Variants in PMPCA observed in about 807,000 individuals in gnomAD.
PMPCA encodes mitochondrial-processing peptidase subunit alpha.
In PMPCA, 47 loss-of-function variants were observed where a neutral mutation model predicts 59.3. The ratio of observed to expected loss-of-function variants is 0.79; its 90% CI spans 0.63 to 1.01. The LOEUF (loss-of-function observed/expected upper bound fraction) is 1.01, where lower values mean the gene tolerates loss of function less well. Ranked by LOEUF, PMPCA falls within the 50% of genes least tolerant of loss-of-function variation. The pLI is 0.00. For synonymous variants in PMPCA, 338 were observed against 290.3 expected, an observed-to-expected ratio of 1.16 and a Z score of -1.67; for missense variants, 726 against 704.5, an observed-to-expected ratio of 1.03 and a Z score of -0.34.
In PMPCA at chr9:136,412,051, C is replaced by G; in HGVS notation, c.126C>G (p.Ile42Met). Residue 42 changes from isoleucine to methionine, a missense_variant, in exon 2 of 13, where the codon ATC (isoleucine) becomes ATG (methionine). Transcript: ENST00000371717. ...GTAGTGGTGGTGCCTATCCCAACAT[C>G]CCCCTCTCTTCTCCCTTACCTGGAG... is the stretch of plus-strand genomic sequence containing the variant. ...RFSSGGAYPN[I>M]PLSSPLPGVP... is the part of the protein sequence containing the mutation. The G allele has an allele frequency of 6.2e-7, 1 of 1,613,332 alleles. No individual in the cohort carries two copies. The highest frequency in any genetic ancestry group is 8.5e-7 in the Non-Finnish European group (1 of 1,179,300).
At chr9:136,419,445 C>T in intron 11 of PMPCA, 1 of 451,474 alleles carries the variant, frequency 2.2e-6, no homozygotes, top group South Asian at 2.4e-5. Context: ...CGAAACGCTG[C>T]AGGAGTTTTT....
In PMPCA at chr9:136,421,853, AC is replaced by A; in HGVS notation, c.1286del (p.Thr429SerfsTer3). 1 of 1,599,334 alleles carries A rather than the reference AC, an allele frequency of 6.3e-7. No individual in the cohort carries two copies. Among genetic ancestry groups the A allele is most frequent in the Non-Finnish European group, 8.5e-7 (1 of 1,170,228 alleles). ...CCAGGTGGAGCTGGAACGAGCCAAG[AC>A]GCAGCTGACATCAATGCTCATGATG... ...VDTVELERAK[T>X]QLTSMLMMNL... On this transcript the variant is annotated frameshift_variant, in exon 12 of 13. Transcript: ENST00000371717. LOFTEE classifies it high-confidence loss of function.
At chr9:136,415,908 C>T (rs1835259773) in intron 5 of PMPCA, among the ~76,000 whole-genome samples, 2 of 152,250 alleles carry the variant, frequency 1.3e-5, no homozygotes, top group South Asian at 4.1e-4. Flanking sequence ...GCTGGGATTA[C>T]AGGCGTGAGC....
chr9:136,416,575 C>T, intron 6 of PMPCA, 184 bp downstream of exon 6: 1 of 654,580 alleles, frequency 1.5e-6, no homozygotes, highest in Admixed American at 2.1e-5. Context: ...CTCCTGGGCT[C>T]AGCTCAGGTG....
Position 136,417,150 on chromosome 9 carries a change from G to C in PMPCA, c.833G>C (p.Trp278Ser), listed in dbSNP as rs780575938. The change falls in exon 7 of 13, where the codon TGG becomes TCG. Residue 278 changes from tryptophan to serine, a missense_variant. Transcript: ENST00000371717. ...RKYLLGVQPA[W>S]GSAEAVDIDR... ...TACCTCCTGGGGGTCCAGCCGGCCTGGGGGAGCGCAGAGGCCGTGGATATT... is the reference window on the plus strand; with the variant it reads ...TACCTCCTGGGGGTCCAGCCGGCCTCGGGGAGCGCAGAGGCCGTGGATATT... 6 of 1,612,578 alleles carry C rather than the reference G, an allele frequency of 3.7e-6. No individual in the cohort carries two copies. Among genetic ancestry groups the C allele is most frequent in the East Asian group, 2.2e-5 (1 of 44,858 alleles).
In PMPCA at chr9:136,420,919, C is replaced by T. The variant is rs1450117470; in HGVS notation, c.1264-913C>T. The T allele has an allele frequency of 3.3e-5, 5 of 151,818 alleles. No homozygotes were observed. The East Asian group carries it at 9.7e-4, about 29-fold the overall frequency. 9.4% of individuals were successfully genotyped at this position (151,818 alleles called of 1,614,324 possible). A position where few individuals can be genotyped will look rare whatever the true frequency, so the allele number is the denominator to read the frequency against. ...CTGACCTGGGCAACATAGCAAGACC[C>T]TGTGTCTATTTAAGAAAAAAAAAAA... On this transcript the variant is annotated intron_variant, in intron 11 of 12. Coordinates refer to ENST00000371717, the MANE Select transcript of PMPCA (RefSeq NM_015160.3).
rs142338782 is a variant in PMPCA at position 136,418,592 on chromosome 9, T to G, written c.1028T>G (p.Met343Arg). ...DFIPFAVLNM[M>R]MGGGGSFSAG... ...ATCCCCTTTGCAGTGTTGAACATGATGATGGGCGGAGGTGGCTCCTTCTCG... is the reference window on the plus strand; with the variant it reads ...ATCCCCTTTGCAGTGTTGAACATGAGGATGGGCGGAGGTGGCTCCTTCTCG... Residue 343 changes from methionine to arginine, a missense_variant, in exon 9 of 13, where the codon ATG becomes AGG. By Grantham distance (91) the Met-to-Arg change is moderately conservative. Transcript: ENST00000371717. The G allele has an allele frequency of 7.4e-6, 12 of 1,613,724 alleles. No individual in the cohort carries two copies. In the Admixed American group the frequency reaches 1.3e-4, roughly 18 times the overall value.
At chr9:136,419,023 T>C (rs77206127) in intron 10 of PMPCA, 21 bp from the exon 11 acceptor site, 42,704 of 1,612,442 alleles carry the variant, frequency 0.026, 778 homozygotes, top group Middle Eastern at 0.089. Context: ...CACACTGTTA[T>C]CGTCTTGCCC....
intron 11 of PMPCA, chr9:136,419,403 G>C (rs778589440): frequency 5.7e-5 from 30 of 523,602 alleles, no homozygotes; most frequent in Non-Finnish European, 9.4e-5. Context: ...TGAGTCGTGG[G>C]ACTGACCATG....
chr9:136,416,754 G>T, intron 6 of PMPCA, 197 bp from the exon 7 acceptor site: 2 of 595,542 alleles, frequency 3.4e-6, no homozygotes, highest in Non-Finnish European at 5.9e-6. Flanking sequence ...TAGGCTTTTT[G>T]TGAATTTGTA....
chr9:136,422,854 G>A, intron 12 of PMPCA: 1 of 1,329,388 alleles, frequency 7.5e-7, no homozygotes, highest in Non-Finnish European at 9.7e-7. Flanking sequence ...CTTCTTGGGT[G>A]GCTTTGTCCT....
intron 12 of PMPCA, chr9:136,422,565 G>A (rs1193820722): frequency 1.2e-5 from 12 of 1,015,890 alleles, no homozygotes; most frequent in African/African-American, 1.7e-5. Flanking sequence ...TGGAGTCCCG[G>A]GCACTTGCCC....
At chr9:136,412,375 C>T (rs972068745) in intron 2 of PMPCA, 115 bp from the exon 3 acceptor site, 2 of 747,576 alleles carry the variant, frequency 2.7e-6, no homozygotes, top group Non-Finnish European at 2.3e-6. Context: ...AGCACAATCA[C>T]CCTCATGTAA....
In PMPCA at chr9:136,423,090, A is replaced by C. The variant is rs778197418; in HGVS notation, c.1409-5A>C. The C allele has an allele frequency of 1.9e-6, 3 of 1,610,542 alleles. No homozygotes were observed. Among genetic ancestry groups the C allele is most frequent in the Non-Finnish European group, 2.5e-6 (3 of 1,178,840 alleles). On this transcript the variant is annotated splice_region_variant and splice_polypyrimidine_tract_variant and intron_variant, in intron 12 of 12. Coordinates refer to ENST00000371717, the MANE Select transcript of PMPCA (RefSeq NM_015160.3). Reference sequence around the variant, plus strand: ...CGTGTGACACGCGTTTGCCCTCTGCACTAGGCAACGTGAAGCCGGAAGATG... The same window carrying C: ...CGTGTGACACGCGTTTGCCCTCTGCCCTAGGCAACGTGAAGCCGGAAGATG...
chr9:136,419,543 C>G (rs1161557647), intron 11 of PMPCA: 2 of 255,488 alleles, frequency 7.8e-6, no homozygotes, highest in African/African-American at 2.2e-5. Flanking sequence ...GAGCCTTTCC[C>G]TGGCTCCATT....
At chr9:136,414,767 CAA>C in intron 5 of PMPCA, 120 bp downstream of exon 5, 1 of 678,424 alleles carries the variant, frequency 1.5e-6, no homozygotes, top group Non-Finnish European at 2.7e-6. Flanking sequence ...TAGGCCAACA[CAA>C]AGTGACAGCG....
chr9:136,416,809 G>C, intron 6 of PMPCA, 142 bp from the exon 7 acceptor site: 1 of 670,574 alleles, frequency 1.5e-6, no homozygotes, highest in Non-Finnish European at 2.6e-6. Context: ...GCACGCAGCT[G>C]CTATTGCCAG....
intron 2 of PMPCA, 84 bp downstream of exon 2, chr9:136,412,283 C>T: frequency 9.6e-7 from 1 of 1,036,482 alleles, no homozygotes; most frequent in South Asian, 1.3e-5. Context: ...AATTAGCATG[C>T]CAATTATGAA....
At chr9:136,416,145 C>T in intron 5 of PMPCA, 146 bp from the exon 6 acceptor site, 1 of 643,490 alleles carries the variant, frequency 1.6e-6, no homozygotes, top group Non-Finnish European at 2.8e-6. Context: ...ACACAAGCAC[C>T]CAGTCTGCCC....
Sources: gnomAD v4.1 joint callset for allele counts (sites outside exome capture counted in the v4.1 genomes callset) on GRCh38, gnomAD v4.1.1 for gene constraint, MANE v1.5 for transcripts, NCBI Gene and HGNC (gene_info 2026-07-23, HGNC 2026-07-21) for gene names.